Variants in CDH13 observed in about 807,000 individuals in gnomAD.
The protein encoded by CDH13 is cadherin-13.
In CDH13, 24 loss-of-function variants were observed where a neutral mutation model predicts 63.8. The ratio of observed to expected loss-of-function variants is 0.38; its 90% CI spans 0.27 to 0.53. CDH13 has a LOEUF of 0.53. CDH13 is among the 20% of genes least tolerant of loss of function. The pLI is 0.85. For missense variants in CDH13, 1,049 were observed against 903.1 expected (o/e 1.16, Z -2.07); for synonymous variants, 503 against 355.3 (o/e 1.42, Z -4.67).
At chr16:82,975,578 G>A (rs1909385811) in intron 2 of CDH13, among the ~76,000 whole-genome samples, 3 of 152,154 alleles carry the variant, frequency 2.0e-5, no homozygotes, top group African/African-American at 4.8e-5. Flanking sequence ...TATAGAGTTG[G>A]CACCCAACAA....
chr16:83,712,892 A>T (rs1304845443), intron 10 of CDH13, among the ~76,000 whole-genome samples: 2 of 152,224 alleles, frequency 1.3e-5, no homozygotes, highest in Non-Finnish European at 2.9e-5. Flanking sequence ...TTGGTACATC[A>T]CCTGGATTTT....
intron 7 of CDH13, among the ~76,000 whole-genome samples, chr16:83,580,349 T>C (rs1905447616): frequency 6.6e-6 from 1 of 151,882 alleles, no homozygotes. Flanking sequence ...GGAGGTAGAA[T>C]TGATCAACTT....
At chr16:83,298,483 T>C (rs1299423949) in intron 5 of CDH13, among the ~76,000 whole-genome samples, 3 of 152,128 alleles carry the variant, frequency 2.0e-5, no homozygotes, top group African/African-American at 7.2e-5. Context: ...GCAAAAATAA[T>C]CTCTCACAGA....
chr16:82,922,510 G>C (rs936789571), intron 2 of CDH13, among the ~76,000 whole-genome samples: 1 of 152,178 alleles, frequency 6.6e-6, no homozygotes, highest in East Asian at 1.9e-4. Flanking sequence ...ATCAGATTTA[G>C]ACCCTAATTC....
At chr16:83,714,550 C>T (rs895046847) in intron 10 of CDH13, among the ~76,000 whole-genome samples, 1 of 152,190 alleles carries the variant, frequency 6.6e-6, no homozygotes, top group Admixed American at 6.5e-5. Flanking sequence ...CTTTCTACCT[C>T]TGTAACTAAA....
chr16:83,173,518 G>C (rs948265725), intron 4 of CDH13, among the ~76,000 whole-genome samples: 2 of 151,992 alleles, frequency 1.3e-5, no homozygotes, highest in Admixed American at 1.3e-4. Context: ...CAAAATACAA[G>C]ACCCCATTAT....
At chr16:83,145,062 G>A (rs1383599412) in intron 4 of CDH13, among the ~76,000 whole-genome samples, 7 of 82,500 alleles carry the variant, frequency 8.5e-5, no homozygotes, top group South Asian at 7.6e-4. Context: ...CACAAGTACG[G>A]GGACATTATA....
At chr16:82,991,686 A>T (rs2151406179) in intron 2 of CDH13, among the ~76,000 whole-genome samples, 1 of 152,314 alleles carries the variant, frequency 6.6e-6, no homozygotes, top group East Asian at 1.9e-4. Context: ...GCAACCGCTG[A>T]TGTGAACATT....
At chr16:83,549,063 G>T (rs1234573140) in intron 7 of CDH13, among the ~76,000 whole-genome samples, 1 of 152,178 alleles carries the variant, frequency 6.6e-6, no homozygotes, top group Non-Finnish European at 1.5e-5. Context: ...GATCAAGAGT[G>T]CTCTGAAAGC....
chr16:83,793,269 A>T (rs186235103), intron 13 of CDH13, among the ~76,000 whole-genome samples: 3 of 152,250 alleles, frequency 2.0e-5, no homozygotes, highest in Admixed American at 6.5e-5. Flanking sequence ...GCTTGCGAGG[A>T]GTAAGGTGGC....
Position 82,867,713 on chromosome 16 carries a change from A to C in CDH13, c.157+9240A>C, listed in dbSNP as rs569308924. Among the ~76,000 whole-genome samples, 69 of 152,364 alleles carry C rather than the reference A, an allele frequency of 4.5e-4. 1 individual carries two copies. Among genetic ancestry groups the C allele is most frequent in the African/African-American group, 1.5e-3 (64 of 41,588 alleles). ...AAATGAAGGCAATTAATGAAAAAGC[A>C]TGTGAGAGGTGTTTTGCATCCTAAG... On this transcript the variant is annotated intron_variant, in intron 2 of 13. Transcript: ENST00000567109.
intron 8 of CDH13, among the ~76,000 whole-genome samples, chr16:83,608,089 A>T (rs1908514347): frequency 6.6e-6 from 1 of 152,198 alleles, no homozygotes; most frequent in African/African-American, 2.4e-5. Context: ...GAAAATTTCA[A>T]ATTTCATTTT....
chr16:82,960,235 G>A lies in CDH13; in HGVS notation c.158-71775G>A, dbSNP rs544145635. Among the ~76,000 whole-genome samples the A allele has an allele frequency of 2.6e-5, 4 of 152,188 alleles. No homozygotes were observed. In the East Asian group the frequency reaches 7.7e-4, roughly 29 times the overall value. On this transcript the variant is annotated intron_variant, in intron 2 of 13. Transcript: ENST00000567109. ...AGATGATGAGAAGCAGTAGGATAAGGGACATATATTGATGATATAATTGAC... is the reference window on the plus strand; with the variant it reads ...AGATGATGAGAAGCAGTAGGATAAGAGACATATATTGATGATATAATTGAC...
chr16:83,454,310 A>G (rs751820922), intron 6 of CDH13, among the ~76,000 whole-genome samples: 7 of 152,266 alleles, frequency 4.6e-5, no homozygotes, highest in Non-Finnish European at 8.8e-5. Flanking sequence ...TTTTGTGTGC[A>G]TGATACACAT....
At chr16:83,102,930 C>CTTTTTTTT (rs71148812) in intron 3 of CDH13, among the ~76,000 whole-genome samples, 11 of 96,910 alleles carry the variant, frequency 1.1e-4, no homozygotes, top group African/African-American at 1.4e-4. Context: ...TTTTCTTTTT[C>CTTTTTTTT]TTTTTTTTTT....
chr16:83,487,777 C>A (rs2073924295), intron 7 of CDH13, among the ~76,000 whole-genome samples: 2 of 152,194 alleles, frequency 1.3e-5, no homozygotes, highest in Non-Finnish European at 2.9e-5. Flanking sequence ...GGGCTCTGTG[C>A]ATTTCCCCCT....
intron 3 of CDH13, among the ~76,000 whole-genome samples, chr16:83,097,964 A>T (rs1597330646): frequency 6.6e-6 from 1 of 152,112 alleles, no homozygotes; most frequent in African/African-American, 2.4e-5. Flanking sequence ...GAAAAAAAAA[A>T]TTTTATAATG....
chr16:83,238,870 C>T (rs1220556201), intron 5 of CDH13, among the ~76,000 whole-genome samples: 3 of 152,176 alleles, frequency 2.0e-5, no homozygotes, highest in Non-Finnish European at 4.4e-5. Context: ...GCAAGACAGT[C>T]TTCTTCTGTC....
chr16:83,031,244 T>C (rs529815110), intron 2 of CDH13, among the ~76,000 whole-genome samples: 35 of 146,232 alleles, frequency 2.4e-4, no homozygotes, highest in African/African-American at 8.0e-4. Flanking sequence ...ACCATATACA[T>C]GCGCATGTAT....
Sources: gnomAD v4.1 joint callset for allele counts (sites outside exome capture counted in the v4.1 genomes callset) on GRCh38, gnomAD v4.1.1 for gene constraint, MANE v1.5 for transcripts, NCBI Gene and HGNC (gene_info 2026-07-23, HGNC 2026-07-21) for gene names.